ATP8A2: variants seen among roughly 807,000 people sequenced by gnomAD.
ATP8A2 encodes phospholipid-transporting ATPase IB.
ATP8A2 carries 100 observed loss-of-function variants against 165.6 expected under a neutral mutation model. The ratio of observed to expected loss-of-function variants is 0.60; its 90% confidence interval spans 0.51 to 0.71. The LOEUF is 0.71. ATP8A2 is among the 30% of genes least tolerant of loss of function. The probability of loss-of-function intolerance (pLI) is 0.00; values close to 1 mark genes in which losing one functional copy is unlikely to be tolerated. For synonymous variants in ATP8A2, 543 were observed against 548.8 expected (o/e 0.99, Z 0.15); for missense variants, 1,227 against 1,479.5 (o/e 0.83, Z 2.80).
chr13:25,844,958 C>G (rs1951825093), intron 30 of ATP8A2, among the ~76,000 whole-genome samples: 1 of 152,216 alleles, frequency 6.6e-6, no homozygotes, highest in Non-Finnish European at 1.5e-5. Flanking sequence ...GTATATCGTT[C>G]ATTCCCTAGA....
At chr13:25,696,669 GAA>G in intron 24 of ATP8A2, among the ~76,000 whole-genome samples, 1 of 152,332 alleles carries the variant, frequency 6.6e-6, no homozygotes, top group African/African-American at 2.4e-5. Flanking sequence ...TCACAGAATT[GAA>G]AAGAGTTAGG....
chr13:25,419,102 G>T (rs874150), intron 1 of ATP8A2, among the ~76,000 whole-genome samples: 17,943 of 152,166 alleles, frequency 0.12, 3,187 homozygotes, highest in African/African-American at 0.39. Context: ...CGCACGTGTT[G>T]AGGAAAAGCT....
intron 35 of ATP8A2, among the ~76,000 whole-genome samples, chr13:26,003,278 G>A (rs1467200012): frequency 6.6e-6 from 1 of 151,260 alleles, no homozygotes; most frequent in African/African-American, 2.4e-5. Context: ...TTTCTCTGAT[G>A]GTTAGTTGTT....
At chr13:25,885,496 A>G (rs1953118503) in intron 33 of ATP8A2, among the ~76,000 whole-genome samples, 1 of 151,964 alleles carries the variant, frequency 6.6e-6, no homozygotes, top group African/African-American at 2.4e-5. Flanking sequence ...CTTCTCACAG[A>G]GGCCATCGTA....
intron 27 of ATP8A2, among the ~76,000 whole-genome samples, chr13:25,822,471 A>G (rs534798415): frequency 1.3e-5 from 2 of 152,284 alleles, no homozygotes; most frequent in South Asian, 4.1e-4. Flanking sequence ...ATTTTTACCC[A>G]TCTGATAAGA....
At chr13:25,724,674 C>A (rs2043455804) in intron 25 of ATP8A2, among the ~76,000 whole-genome samples, 1 of 152,134 alleles carries the variant, frequency 6.6e-6, no homozygotes, top group South Asian at 2.1e-4. Context: ...GCTGTCTAGT[C>A]CTTGGGTCAT....
At chr13:25,971,148 G>A (rs750637850) in intron 35 of ATP8A2, among the ~76,000 whole-genome samples, 5 of 151,820 alleles carry the variant, frequency 3.3e-5, no homozygotes, top group Non-Finnish European at 7.4e-5. Flanking sequence ...CAGTTTGGGG[G>A]CTCTGCCGCT....
intron 35 of ATP8A2, among the ~76,000 whole-genome samples, chr13:26,006,646 T>A (rs1417369046): frequency 1.3e-5 from 2 of 151,974 alleles, no homozygotes; most frequent in Non-Finnish European, 2.9e-5. Flanking sequence ...AACTTTGGGT[T>A]TTTTTAAATT....
chr13:25,988,813 G>A (rs975050128), intron 35 of ATP8A2, among the ~76,000 whole-genome samples: 5 of 152,178 alleles, frequency 3.3e-5, no homozygotes, highest in Admixed American at 6.5e-5. Flanking sequence ...CTCACCCACC[G>A]TCTGAAGTCC....
chr13:25,852,746 G>A, intron 30 of ATP8A2, among the ~76,000 whole-genome samples: 1 of 152,044 alleles, frequency 6.6e-6, no homozygotes, highest in East Asian at 1.9e-4. Context: ...GGAGGCCGAG[G>A]CAGGTGGATC....
intron 24 of ATP8A2, among the ~76,000 whole-genome samples, chr13:25,644,271 A>G (rs540804516): frequency 8.7e-4 from 132 of 152,164 alleles, no homozygotes; most frequent in African/African-American, 2.9e-3. Context: ...CCAACATTCA[A>G]TAGACATGTT....
At chr13:25,943,293 C>G (rs1955121959) in intron 33 of ATP8A2, among the ~76,000 whole-genome samples, 1 of 152,188 alleles carries the variant, frequency 6.6e-6, no homozygotes, top group Admixed American at 6.5e-5. Context: ...AATTACTTCC[C>G]TTTTATAAAA....
intron 10 of ATP8A2, among the ~76,000 whole-genome samples, chr13:25,549,459 C>CAAA (rs371766419): frequency 0.016 from 1,012 of 61,370 alleles, 20 homozygotes; most frequent in African/African-American, 0.052. Flanking sequence ...GACTCTGTCT[C>CAAA]AAAAAAAAAA....
At chr13:25,706,614 T>A (rs1197360486) in intron 25 of ATP8A2, among the ~76,000 whole-genome samples, 2 of 152,208 alleles carry the variant, frequency 1.3e-5, no homozygotes, top group African/African-American at 2.4e-5. Context: ...TGTGTTTTAG[T>A]TGGCCTCCAT....
At chr13:25,561,828 T>C (rs1262845138) in intron 15 of ATP8A2, among the ~76,000 whole-genome samples, 2 of 152,242 alleles carry the variant, frequency 1.3e-5, no homozygotes, top group Non-Finnish European at 2.9e-5. Context: ...TCTGTCTCTA[T>C]GATTTTGCCT....
intron 25 of ATP8A2, among the ~76,000 whole-genome samples, chr13:25,752,778 T>C (rs1315783670): frequency 2.6e-5 from 4 of 152,232 alleles, no homozygotes; most frequent in African/African-American, 9.6e-5. Context: ...TGCCAAACTC[T>C]GTTCAAAGTG....
At chr13:25,904,155 G>A (rs553048556) in intron 33 of ATP8A2, among the ~76,000 whole-genome samples, 2 of 152,278 alleles carry the variant, frequency 1.3e-5, no homozygotes, top group East Asian at 3.9e-4. Context: ...TCCTCTGAGC[G>A]TCATAGCACA....
At chr13:25,729,572 C>T (rs988433102) in intron 25 of ATP8A2, among the ~76,000 whole-genome samples, 3 of 152,208 alleles carry the variant, frequency 2.0e-5, no homozygotes, top group Admixed American at 6.5e-5. Context: ...TTTATATGGA[C>T]TGTGTCGCGA....
At chr13:25,421,612 G>A (rs1435253879) in intron 1 of ATP8A2, among the ~76,000 whole-genome samples, 1 of 152,234 alleles carries the variant, frequency 6.6e-6, no homozygotes, top group Non-Finnish European at 1.5e-5. Flanking sequence ...GGGATTACAG[G>A]GGTGAAACAC....
Sources: gnomAD v4.1 joint callset for allele counts (sites outside exome capture counted in the v4.1 genomes callset) on GRCh38, gnomAD v4.1.1 for gene constraint, MANE v1.5 for transcripts, NCBI Gene and HGNC (gene_info 2026-07-23, HGNC 2026-07-21) for gene names.